The following PCYT2 variants were observed in gnomAD, a reference collection of about 807,000 sequenced individuals.
The protein encoded by PCYT2 is ethanolamine-phosphate cytidylyltransferase.
Under a neutral mutation model 50.0 loss-of-function variants are expected in PCYT2, and 33 were observed. That is an observed-to-expected ratio of 0.66 (90% CI 0.50 to 0.88). The LOEUF (loss-of-function observed/expected upper bound fraction) is 0.88. Ranked by LOEUF, PCYT2 falls within the 40% of genes least tolerant of loss-of-function variation. The pLI is 0.00. For synonymous variants in PCYT2, 240 were observed against 203.7 expected (o/e 1.18, Z -1.52); for missense variants, 430 against 519.7 (o/e 0.83, Z 1.68).
chr17:81,904,714 C>T lies in PCYT2; in HGVS notation c.*119G>A, dbSNP rs1353189997. 1.5e-5 allele frequency: 10 copies of T among 661,130 alleles called. No individual in the cohort carries two copies. The highest frequency in any genetic ancestry group is 2.6e-5 in the Non-Finnish European group (10 of 390,284). 41.0% of individuals were successfully genotyped at this position (661,130 alleles called of 1,614,324 possible). On this transcript the variant is annotated 3_prime_UTR_variant, in exon 13 of 13. Transcript: ENST00000538936. ...TTGTAGGCAGGCAAGGAGGCAGAGT[C>T]CTCACCAGCCCTTCCAGAGCCAGGC...
chr17:81,908,637 A>G lies in PCYT2; in HGVS notation c.341-3T>C, dbSNP rs1244642256. 2.1e-5 allele frequency: 34 copies of G among 1,610,406 alleles called. No homozygotes were observed. Among genetic ancestry groups the G allele is most frequent in the Non-Finnish European group, 2.9e-5 (34 of 1,176,872 alleles). ...ATCTACAGTCAGGGTGATGTCATCTAAGCAGTGACACACAAGGACAAGGAT... is the reference window on the plus strand; with the variant it reads ...ATCTACAGTCAGGGTGATGTCATCTGAGCAGTGACACACAAGGACAAGGAT... On this transcript the variant is annotated splice_region_variant and splice_polypyrimidine_tract_variant and intron_variant, in intron 3 of 12. Transcript: ENST00000538936.
At chr17:81,905,491 G>T (rs780681715) in intron 10 of PCYT2, 44 bp from the exon 11 acceptor site, 14 of 1,536,084 alleles carry the variant, frequency 9.1e-6, no homozygotes, top group East Asian at 2.4e-5. Context: ...GGGAGGCAGC[G>T]GCCGTCGCCA....
intron 1 of PCYT2, among the ~76,000 whole-genome samples, 153 bp from the exon 2 acceptor site, chr17:81,909,755 T>C (rs1490412140): frequency 6.6e-6 from 1 of 152,058 alleles, no homozygotes; most frequent in East Asian, 1.9e-4. Flanking sequence ...ATTCGGAGGA[T>C]GTAGGTGCTC....
In PCYT2 at chr17:81,905,733, G is replaced by A. The variant is rs774213871; in HGVS notation, c.840C>T (p.Tyr280=). The A allele has an allele frequency of 8.1e-6, 13 of 1,613,322 alleles. No homozygotes were observed. In the Admixed American group the frequency reaches 8.3e-5, roughly 10 times the overall value. Residue 280 remains tyrosine, a splice_region_variant and synonymous_variant, in exon 10 of 13, where the codon TAC becomes TAT. Transcript: ENST00000538936. The part of the protein sequence containing the change: ...ERTLSVLACR[Y]VSEVVIGAPY... Reference sequence around the variant, plus strand: ...GGGCTCCAATCACCACTTCTGACACGTACTGTGGGGACAGTGGGGGCAGAA... The same window carrying A: ...GGGCTCCAATCACCACTTCTGACACATACTGTGGGGACAGTGGGGGCAGAA...
In PCYT2 at chr17:81,905,687, G is replaced by C; in HGVS notation, c.886C>G (p.Leu296Val). ...IGAPYAVTAE[L>V]LSHFKVDLVC... is the part of the protein sequence containing the mutation. ...AGCCTCACCTTGAAGTGACTTAGGA[G>C]CTCTGCTGTGACCGCGTACGGGGCT... Residue 296 changes from leucine to valine, a missense_variant, in exon 10 of 13, where the codon CTC (leucine) becomes GTC (valine). Around this residue, in one of 4 missense-constraint regions of PCYT2, gnomAD observed 248 missense variants for 300.2 expected, o/e 0.83. Coordinates refer to ENST00000538936, the MANE Select transcript of PCYT2 (RefSeq NM_002861.5). The C allele has an allele frequency of 6.2e-7, 1 of 1,613,534 alleles. No individual in the cohort carries two copies. The highest frequency in any genetic ancestry group is 8.5e-7 in the Non-Finnish European group (1 of 1,179,900).
rs954223164 is a variant in PCYT2 at position 81,902,226 on chromosome 17, G to A, written c.*2607C>T. The A allele has an allele frequency of 2.5e-6, 3 of 1,215,140 alleles. No individual in the cohort carries two copies. Among genetic ancestry groups the A allele is most frequent in the East Asian group, 3.4e-5 (1 of 29,390 alleles). The allele number at this position is 1,215,140 out of a possible 1,614,324, so 75.3% of individuals were successfully genotyped here. On this transcript the variant is annotated 3_prime_UTR_variant, in exon 13 of 13. Transcript: ENST00000538936. ...GCCGCAGATATAAGGCGGCCCAGGC[G>A]GTGGCTGCTCCGAGCCCGGACGCCG...
chr17:81,902,556 G>GGGC lies in PCYT2; in HGVS notation c.*2274_*2276dup, dbSNP rs1362024818. 2 of 1,495,670 alleles carry GGGC rather than the reference G, an allele frequency of 1.3e-6. No homozygotes were observed. The highest frequency in any genetic ancestry group is 2.9e-5 in the African/African-American group (2 of 68,710). 92.6% of individuals were successfully genotyped at this position (1,495,670 alleles called of 1,614,324 possible). ...GTCCGGCGTGCCGGGGACTGATGGGGGGCGGCGGCAGGACGTGGGTGGGGG... is the reference window on the plus strand; with the variant it reads ...GTCCGGCGTGCCGGGGACTGATGGGGGGCGGCGGCGGCAGGACGTGGGTGGGGG... On this transcript the variant is annotated 3_prime_UTR_variant, in exon 13 of 13. Coordinates refer to ENST00000538936, the MANE Select transcript of PCYT2 (RefSeq NM_002861.5).
In PCYT2 at chr17:81,904,555, C is replaced by T. The variant is rs534499731; in HGVS notation, c.*278G>A. 1.2e-5 allele frequency: 5 copies of T among 429,172 alleles called. No homozygotes were observed. Among genetic ancestry groups the T allele is most frequent in the East Asian group, 4.0e-5 (1 of 25,312 alleles). 26.6% of individuals were successfully genotyped at this position (429,172 alleles called of 1,614,324 possible). A position where few individuals can be genotyped will look rare whatever the true frequency, so the allele number is the denominator to read the frequency against. On this transcript the variant is annotated 3_prime_UTR_variant, in exon 13 of 13. Coordinates refer to ENST00000538936, the MANE Select transcript of PCYT2 (RefSeq NM_002861.5). ...GGGGCATCCGGGGACCAGGTGGGGG[C>T]GCACGCAGGAGCGGTGCGTTTCAGG...
At chr17:81,909,146 C>T (rs1166805172) in intron 2 of PCYT2, 109 bp from the exon 3 acceptor site, 1 of 1,516,284 alleles carries the variant, frequency 6.6e-7, no homozygotes, top group Non-Finnish European at 8.8e-7. Flanking sequence ...CCGGTGGGGG[C>T]AGGCTGTCTC....
chr17:81,906,219 G>A (rs370127835), intron 8 of PCYT2, 42 bp from the exon 9 acceptor site: 26 of 1,544,576 alleles, frequency 1.7e-5, no homozygotes, highest in Admixed American at 5.5e-5. Flanking sequence ...AGACTTTTTG[G>A]GGGGACAGGG....
chr17:81,902,611 GCCCC>G lies in PCYT2; in HGVS notation c.*2218_*2221del. 1 of 1,568,820 alleles carries G rather than the reference GCCCC, an allele frequency of 6.4e-7. No individual in the cohort carries two copies. Among genetic ancestry groups the G allele is most frequent in the Non-Finnish European group, 8.6e-7 (1 of 1,162,768 alleles). On this transcript the variant is annotated 3_prime_UTR_variant, in exon 13 of 13. Coordinates refer to ENST00000538936, the MANE Select transcript of PCYT2 (RefSeq NM_002861.5). ...GCGGCCCCTCAGCCTTTGCTTGCCT[GCCCC>G]CCAGGCTGTGTGCGTCCAGGACGTC... is the stretch of plus-strand genomic sequence containing the variant.
Position 81,902,301 on chromosome 17 carries a change from G to A in PCYT2, c.*2532C>T. 7.6e-7 allele frequency: 1 copy of A among 1,323,100 alleles called. No individual in the cohort carries two copies. 82.0% of individuals were successfully genotyped at this position (1,323,100 alleles called of 1,614,324 possible). A position where few individuals can be genotyped will look rare whatever the true frequency, so the allele number is the denominator to read the frequency against. On this transcript the variant is annotated 3_prime_UTR_variant, in exon 13 of 13. Transcript: ENST00000538936. ...CCATGGCCCGGTCCGCGACACTGGC[G>A]GCCGCCGCCCTGGCGCTGTGCCTGC... is the stretch of plus-strand genomic sequence containing the variant.
intron 11 of PCYT2, 87 bp from the exon 12 acceptor site, chr17:81,905,241 G>A: frequency 7.4e-7 from 1 of 1,350,266 alleles, no homozygotes; most frequent in East Asian, 2.5e-5. Context: ...AGGGAGACCA[G>A]CGCCCAGGGT....
At position 81,903,566 on chromosome 17, in the gene PCYT2, G is replaced by A. The variant is rs1428292516; in HGVS notation, c.*1267C>T. 1.3e-5 allele frequency: 2 copies of A among 152,376 alleles called. No individual in the cohort carries two copies. The highest frequency in any genetic ancestry group is 2.4e-5 in the African/African-American group (1 of 41,454). The allele number at this position is 152,376 out of a possible 1,614,324, so 9.4% of individuals were successfully genotyped here. ...CTGCTCAGGGGACCCCGCAGTCCAG[G>A]GTTCTGAGTGGGAGCATTGGCACCA... On this transcript the variant is annotated 3_prime_UTR_variant, in exon 13 of 13. Coordinates refer to ENST00000538936, the MANE Select transcript of PCYT2 (RefSeq NM_002861.5).
chr17:81,911,241 G>A lies in PCYT2; in HGVS notation c.89+26C>T, dbSNP rs1488865413. 6.8e-6 allele frequency: 7 copies of A among 1,032,160 alleles called. 1 individual carries two copies. The highest frequency in any genetic ancestry group is 8.1e-6 in the Non-Finnish European group (7 of 862,872). The allele number at this position is 1,032,160 out of a possible 1,614,324, so 63.9% of individuals were successfully genotyped here. A position where few individuals can be genotyped will look rare whatever the true frequency, so the allele number is the denominator to read the frequency against. Reference sequence around the variant, plus strand: ...GAAGGAAGCCGGCCCCGGCGCCCCCGCGGCCCGCCCCGGCCCCGCGCTCAC... The same window carrying A: ...GAAGGAAGCCGGCCCCGGCGCCCCCACGGCCCGCCCCGGCCCCGCGCTCAC... On this transcript the variant is annotated intron_variant, in intron 1 of 12. Coordinates refer to ENST00000538936, the MANE Select transcript of PCYT2 (RefSeq NM_002861.5).
chr17:81,910,845 G>C lies in PCYT2; in HGVS notation c.89+422C>G, dbSNP rs961806239. On this transcript the variant is annotated intron_variant, in intron 1 of 12. Transcript: ENST00000538936. ...TTCTAGCCCCGCGGAGGAGGACCCG[G>C]GAGCCCGCGGGCTTCACCGCGGGTC... The C allele has an allele frequency of 3.1e-6, 3 of 979,696 alleles. No homozygotes were observed. The African/African-American group carries it at 5.3e-5, about 17-fold the overall frequency. The allele number at this position is 979,696 out of a possible 1,614,324, so 60.7% of individuals were successfully genotyped here.
In PCYT2 at chr17:81,907,788, G is replaced by A; in HGVS notation, c.477C>T (p.Ala159=). The A allele has an allele frequency of 1.9e-6, 3 of 1,613,350 alleles. No individual in the cohort carries two copies. Among genetic ancestry groups the A allele is most frequent in the Non-Finnish European group, 2.5e-6 (3 of 1,179,980 alleles). ...GCCGACTCACCTGGCTGCTGTGATG[G>A]GCTTTGGTTACCAGCAGCATGCGGC... ...LVGRMLLVTK[A]HHSSQEMSSE... The change falls in exon 5 of 13, where the codon GCC becomes GCT. Residue 159 remains alanine, a synonymous_variant. Transcript: ENST00000538936.
In PCYT2 at chr17:81,911,366, C is replaced by A; in HGVS notation, c.-11G>T. ...CCCGTTCCGGATCATGGCCCCGCAG[C>A]GGCGGCGCGGACAGCCTGGCAGCTC... On this transcript the variant is annotated 5_prime_UTR_variant, in exon 1 of 13. Transcript: ENST00000538936. The A allele has an allele frequency of 9.5e-7, 1 of 1,047,292 alleles. No homozygotes were observed. The highest frequency in any genetic ancestry group is 1.1e-6 in the Non-Finnish European group (1 of 870,424). The allele number at this position is 1,047,292 out of a possible 1,614,324, so 64.9% of individuals were successfully genotyped here.
rs2039932850 is a variant in PCYT2 at position 81,900,959 on chromosome 17, G to A, written c.*3874C>T. ...TCTCTAGAGAGACAGGACTCTATAT[G>A]AAGAGTATATATGAAGAGTTTATTG... On this transcript the variant is annotated 3_prime_UTR_variant, in exon 13 of 13. Coordinates refer to ENST00000538936, the MANE Select transcript of PCYT2 (RefSeq NM_002861.5). The A allele has an allele frequency of 6.6e-6, 1 of 152,222 alleles. No homozygotes were observed. Among genetic ancestry groups the A allele is most frequent in the South Asian group, 2.1e-4 (1 of 4,830 alleles). 9.4% of individuals were successfully genotyped at this position (152,222 alleles called of 1,614,324 possible).
Sources: allele counts gnomAD v4.1 joint callset (sites outside exome capture counted in the v4.1 genomes callset), GRCh38; gene constraint gnomAD v4.1.1; regional missense constraint gnomAD v4.1.1; transcripts MANE v1.5; gene names NCBI Gene and HGNC (gene_info 2026-07-23, HGNC 2026-07-21).